THEM4: variants seen among roughly 807,000 people sequenced by gnomAD.
The protein encoded by THEM4 is thioesterase superfamily member 4.
A neutral mutation model predicts 25.0 loss-of-function variants in THEM4; 22 were observed. That is an observed-to-expected ratio of 0.88 (90% CI 0.63 to 1.26). THEM4 has a LOEUF of 1.26. Ranked by LOEUF, THEM4 falls within the 50% of genes most tolerant of loss-of-function variation. The probability of loss-of-function intolerance (pLI) is 0.00; values close to 1 mark genes in which losing one functional copy is unlikely to be tolerated. For missense variants in THEM4, 286 were observed against 300.3 expected (o/e 0.95, Z 0.35); for synonymous variants, 113 against 105.6 (o/e 1.07, Z -0.43).
intron 2 of THEM4, chr1:151,890,980 A>T (rs946490318): frequency 5.9e-5 from 9 of 152,156 alleles, no homozygotes; most frequent in Non-Finnish European, 1.3e-4. Flanking sequence ...AGATTGGCAA[A>T]CCTTGAGCTT....
At chr1:151,893,329 G>A (rs1463532931) in intron 2 of THEM4, among the ~76,000 whole-genome samples, 5 of 142,656 alleles carry the variant, frequency 3.5e-5, no homozygotes, top group African/African-American at 5.2e-5. Flanking sequence ...CCGAGGTCAC[G>A]CCACTGCATT....
intron 4 of THEM4, among the ~76,000 whole-genome samples, chr1:151,878,107 C>T (rs1653728555): frequency 6.6e-6 from 1 of 152,182 alleles, no homozygotes; most frequent in African/African-American, 2.4e-5. Flanking sequence ...TAGGTGTTCT[C>T]GCCTGCCCAG....
intron 1 of THEM4, among the ~76,000 whole-genome samples, chr1:151,906,891 C>T (rs1029323828): frequency 6.6e-6 from 1 of 152,136 alleles, no homozygotes; most frequent in Admixed American, 6.5e-5. Flanking sequence ...TCAAAACAGA[C>T]CACTTGGCTC....
At position 151,874,978 on chromosome 1, in the gene THEM4, T is replaced by C. The variant is rs865919785; in HGVS notation, c.683-50A>G. The C allele has an allele frequency of 1.0e-5, 14 of 1,356,408 alleles. 1 individual carries two copies. In the Middle Eastern group the frequency reaches 2.5e-3, roughly 244 times the overall value. 84.0% of individuals were successfully genotyped at this position (1,356,408 alleles called of 1,614,324 possible). A position where few individuals can be genotyped will look rare whatever the true frequency, so the allele number is the denominator to read the frequency against. ...TGATTATATGTCAACTGACTTCAAT[T>C]TGATGGACTACTCTAAATAGAAAGA... On this transcript the variant is annotated intron_variant, in intron 5 of 5. Transcript: ENST00000368814.
intron 1 of THEM4, among the ~76,000 whole-genome samples, chr1:151,905,665 C>A (rs575622556): frequency 3.4e-4 from 52 of 152,304 alleles, no homozygotes; most frequent in African/African-American, 1.2e-3. Context: ...ACTCCCTCAA[C>A]AAAAGGATAA....
chr1:151,880,698 C>A (rs977913912), intron 4 of THEM4, among the ~76,000 whole-genome samples: 1 of 152,040 alleles, frequency 6.6e-6, no homozygotes, highest in Non-Finnish European at 1.5e-5. Context: ...TTTTTCTGAT[C>A]CCAGTTTTCT....
At chr1:151,888,175 T>C in intron 4 of THEM4, 98 bp downstream of exon 4, 1 of 911,158 alleles carries the variant, frequency 1.1e-6, no homozygotes, top group Non-Finnish European at 1.7e-6. Context: ...AGCACTTCCT[T>C]AATAATCACT....
chr1:151,885,083 T>A (rs540401601), intron 4 of THEM4, among the ~76,000 whole-genome samples: 328 of 145,624 alleles, frequency 2.3e-3, no homozygotes, highest in African/African-American at 7.8e-3. Flanking sequence ...TGATTTCATC[T>A]TTTATTTATT....
chr1:151,901,976 C>T (rs543303881), intron 1 of THEM4, among the ~76,000 whole-genome samples: 1 of 152,182 alleles, frequency 6.6e-6, no homozygotes, highest in African/African-American at 2.4e-5. Flanking sequence ...CCTATCAAAA[C>T]CTCTGGGATA....
At chr1:151,895,564 AG>A (rs1654204418) in intron 1 of THEM4, among the ~76,000 whole-genome samples, 1 of 152,084 alleles carries the variant, frequency 6.6e-6, no homozygotes, top group African/African-American at 2.4e-5. Context: ...GGCTATGCAC[AG>A]GAAGTTAGGG....
At chr1:151,880,563 TTAATTTA>T in intron 4 of THEM4, among the ~76,000 whole-genome samples, 1 of 152,320 alleles carries the variant, frequency 6.6e-6, no homozygotes, top group South Asian at 2.1e-4. Flanking sequence ...TTATATCAAT[TTAATTTA>T]TACTCTTTAT....
chr1:151,896,267 T>C (rs1422627245), intron 1 of THEM4, among the ~76,000 whole-genome samples: 1 of 152,148 alleles, frequency 6.6e-6, no homozygotes, highest in Non-Finnish European at 1.5e-5. Flanking sequence ...GTGCTGGGAT[T>C]ACAGGAGTGA....
intron 4 of THEM4, among the ~76,000 whole-genome samples, chr1:151,883,178 C>T (rs565811893): frequency 2.8e-4 from 43 of 151,590 alleles, no homozygotes; most frequent in Non-Finnish European, 4.3e-4. Flanking sequence ...AGTGCACTGG[C>T]GCAATCTCGG....
intron 4 of THEM4, among the ~76,000 whole-genome samples, chr1:151,879,354 T>G (rs975788056): frequency 6.6e-6 from 1 of 151,916 alleles, no homozygotes; most frequent in Non-Finnish European, 1.5e-5. Flanking sequence ...AGTAGTGAAA[T>G]GTAGGAGTTA....
chr1:151,893,120 C>T (rs1371281900), intron 2 of THEM4, among the ~76,000 whole-genome samples: 1 of 152,070 alleles, frequency 6.6e-6, no homozygotes, highest in Non-Finnish European at 1.5e-5. Flanking sequence ...CCTGTAATCC[C>T]CGCACTTTGG....
At chr1:151,881,669 C>T (rs1255554140) in intron 4 of THEM4, among the ~76,000 whole-genome samples, 1 of 152,148 alleles carries the variant, frequency 6.6e-6, no homozygotes, top group East Asian at 1.9e-4. Context: ...GGTTTACTGC[C>T]AGTGTAATGG....
At chr1:151,901,207 T>G (rs755588513) in intron 1 of THEM4, among the ~76,000 whole-genome samples, 2 of 152,236 alleles carry the variant, frequency 1.3e-5, no homozygotes, top group African/African-American at 4.8e-5. Context: ...TATTTCTGTG[T>G]GTCTTTAATT....
At chr1:151,879,199 AAAG>A (rs1197403946) in intron 4 of THEM4, among the ~76,000 whole-genome samples, 2 of 152,206 alleles carry the variant, frequency 1.3e-5, no homozygotes, top group African/African-American at 2.4e-5. Flanking sequence ...ATAGTTGAAT[AAAG>A]AAGACACTGA....
chr1:151,889,884 T>C (rs1336578753), intron 2 of THEM4: 1 of 156,008 alleles, frequency 6.4e-6, no homozygotes, highest in East Asian at 1.9e-4. Context: ...GAAATCAGAT[T>C]GTGGGTTGTA....
Sources: allele counts gnomAD v4.1 joint callset (sites outside exome capture counted in the v4.1 genomes callset), GRCh38; gene constraint gnomAD v4.1.1; transcripts MANE v1.5; gene names NCBI Gene and HGNC (gene_info 2026-07-23, HGNC 2026-07-21).